The following TFDP2 variants were observed in gnomAD, a reference collection of about 807,000 sequenced individuals.
The protein encoded by TFDP2 is transcription factor Dp-2.
TFDP2 carries 17 observed loss-of-function variants against 59.3 expected under a neutral mutation model. The ratio of observed to expected loss-of-function variants is 0.29; its 90% CI spans 0.20 to 0.43. The LOEUF is 0.43. Ranked by LOEUF, TFDP2 falls within the 20% of genes least tolerant of loss-of-function variation. The pLI is 1.00. For synonymous variants in TFDP2, 180 were observed against 194.7 expected, an observed-to-expected ratio of 0.92 and a Z score of 0.63; for missense variants, 391 against 528.8, an observed-to-expected ratio of 0.74 and a Z score of 2.56.
intron 3 of TFDP2, among the ~76,000 whole-genome samples, chr3:142,083,898 C>T (rs899056632): frequency 6.6e-6 from 1 of 152,166 alleles, no homozygotes. Flanking sequence ...ATCTATGAAA[C>T]TACTACAAGA....
chr3:141,971,248 C>T (rs964293835), intron 8 of TFDP2, among the ~76,000 whole-genome samples: 7 of 150,502 alleles, frequency 4.7e-5, no homozygotes, highest in Middle Eastern at 3.5e-3. Context: ...TATGGCCAGG[C>T]GCGGTGGCTC....
intron 1 of TFDP2, among the ~76,000 whole-genome samples, chr3:142,128,880 G>A (rs1011359989): frequency 8.0e-5 from 12 of 149,664 alleles, no homozygotes; most frequent in South Asian, 2.1e-4. Flanking sequence ...GAGGAAAAAA[G>A]GGAAATAAAT....
intron 1 of TFDP2, among the ~76,000 whole-genome samples, chr3:142,117,878 C>G (rs2061898926): frequency 6.6e-6 from 1 of 152,176 alleles, no homozygotes; most frequent in Non-Finnish European, 1.5e-5. Flanking sequence ...AGGTGGATCA[C>G]TTGAGGTCAG....
intron 3 of TFDP2, among the ~76,000 whole-genome samples, chr3:142,063,846 A>T (rs77382453): frequency 3.3e-5 from 5 of 151,630 alleles, no homozygotes; most frequent in Non-Finnish European, 5.9e-5. Context: ...AAAAAAAAAA[A>T]TTTCTGAATT....
At chr3:142,099,237 C>T (rs536229477) in intron 2 of TFDP2, among the ~76,000 whole-genome samples, 2 of 152,312 alleles carry the variant, frequency 1.3e-5, no homozygotes, top group East Asian at 3.9e-4. Flanking sequence ...ATCAGGATAA[C>T]TCTTTTCTTC....
chr3:141,963,295 C>G (rs542347626), intron 10 of TFDP2, among the ~76,000 whole-genome samples: 102 of 152,190 alleles, frequency 6.7e-4, no homozygotes, highest in Non-Finnish European at 6.6e-4. Context: ...TGTAAAAACA[C>G]AATTTAAAGG....
intron 3 of TFDP2, among the ~76,000 whole-genome samples, chr3:142,017,786 C>T (rs375789698): frequency 6.6e-6 from 1 of 151,888 alleles, no homozygotes; most frequent in Non-Finnish European, 1.5e-5. Flanking sequence ...CGCCTGACCT[C>T]GTGATCCACC....
chr3:142,031,926 TC>T (rs1438054230), intron 3 of TFDP2, among the ~76,000 whole-genome samples: 7 of 99,932 alleles, frequency 7.0e-5, no homozygotes, highest in Admixed American at 1.3e-4. Flanking sequence ...ACTTACATTT[TC>T]AAGTAAAATA....
In TFDP2 at chr3:141,946,961, G is replaced by A. The variant is rs1047169467; in HGVS notation, c.*5552C>T. On this transcript the variant is annotated 3_prime_UTR_variant, in exon 13 of 13. Transcript: ENST00000489671. ...AAGAATCGCTTGAACCCGGGAGGCA[G>A]AGGTTGCAGTGGCTGAGATCATGCC... 3.9e-5 allele frequency: 6 copies of A among 152,322 alleles called. No individual in the cohort carries two copies. Among genetic ancestry groups the A allele is most frequent in the African/African-American group, 1.4e-4 (6 of 41,438 alleles). The allele number at this position is 152,322 out of a possible 1,614,324, so 9.4% of individuals were successfully genotyped here.
At chr3:141,988,437 C>T (rs1942376301) in intron 6 of TFDP2, among the ~76,000 whole-genome samples, 1 of 152,016 alleles carries the variant, frequency 6.6e-6, no homozygotes, top group Non-Finnish European at 1.5e-5. Flanking sequence ...AGCAAACTAC[C>T]CCATATCTAA....
intron 3 of TFDP2, among the ~76,000 whole-genome samples, chr3:142,073,287 G>A (rs2060311656): frequency 6.6e-6 from 1 of 152,106 alleles, no homozygotes; most frequent in Non-Finnish European, 1.5e-5. Context: ...TGCCCAATCT[G>A]AGTTTTGTAC....
In TFDP2 at chr3:142,149,212, A is replaced by C; in HGVS notation, c.-122T>G. The stretch of plus-strand genomic sequence containing the variant: ...TTCGGCTGCAGAAGAACTGGCGGCC[A>C]AGCGAGGCTGTCGGGCCGAGCCAGG... On this transcript the variant is annotated 5_prime_UTR_variant, in exon 1 of 13. Transcript: ENST00000489671. 2.5e-6 allele frequency: 1 copy of C among 397,600 alleles called. No homozygotes were observed. The highest frequency in any genetic ancestry group is 4.4e-6 in the Non-Finnish European group (1 of 225,382). 24.6% of individuals were successfully genotyped at this position (397,600 alleles called of 1,614,324 possible).
chr3:142,033,543 C>A (rs147170487), intron 3 of TFDP2, among the ~76,000 whole-genome samples: 1 of 152,086 alleles, frequency 6.6e-6, no homozygotes, highest in Non-Finnish European at 1.5e-5. Context: ...GAGGCCTACA[C>A]GAGCTACGTG....
intron 1 of TFDP2, among the ~76,000 whole-genome samples, chr3:142,122,062 T>C (rs757710502): frequency 8.5e-5 from 13 of 152,164 alleles, no homozygotes; most frequent in Admixed American, 3.3e-4. Flanking sequence ...CCTACTTTGG[T>C]AGGAAGTCAG....
intron 1 of TFDP2, among the ~76,000 whole-genome samples, chr3:142,119,360 G>C (rs1387548163): frequency 6.6e-6 from 1 of 152,068 alleles, no homozygotes; most frequent in African/African-American, 2.4e-5. Flanking sequence ...AAAGGAATTA[G>C]ACTAACATTG....
At chr3:142,097,161 G>A (rs1450099854) in intron 2 of TFDP2, among the ~76,000 whole-genome samples, 1 of 152,182 alleles carries the variant, frequency 6.6e-6, no homozygotes, top group East Asian at 1.9e-4. Flanking sequence ...AAAAAGAAAT[G>A]TCACTTTCAT....
intron 9 of TFDP2, among the ~76,000 whole-genome samples, chr3:141,968,569 T>C (rs1394030880): frequency 3.7e-5 from 4 of 108,738 alleles, no homozygotes; most frequent in Non-Finnish European, 6.8e-5. Flanking sequence ...TATAGATATA[T>C]ATAACATATA....
intron 3 of TFDP2, among the ~76,000 whole-genome samples, chr3:142,040,900 T>TA (rs145523054): frequency 2.9e-4 from 43 of 149,698 alleles, no homozygotes; most frequent in African/African-American, 7.1e-4. Context: ...CAAGACCTTT[T>TA]AAAAAAAAAA....
chr3:142,134,629 A>G (rs893410171), intron 1 of TFDP2, among the ~76,000 whole-genome samples: 17 of 152,120 alleles, frequency 1.1e-4, no homozygotes, highest in African/African-American at 4.1e-4. Flanking sequence ...TTAGTAAGTC[A>G]AATTACTGTA....
Sources: allele counts gnomAD v4.1 joint callset (sites outside exome capture counted in the v4.1 genomes callset), GRCh38; gene constraint gnomAD v4.1.1; transcripts MANE v1.5; gene names NCBI Gene and HGNC (gene_info 2026-07-23, HGNC 2026-07-21).